GPATCH2: variants seen among roughly 807,000 people sequenced by gnomAD.
GPATCH2 encodes G-patch domain containing 2, also known as G patch domain-containing protein 2.
Under a neutral mutation model 58.0 loss-of-function variants are expected in GPATCH2, and 51 were observed. The ratio of observed to expected loss-of-function variants is 0.88; its 90% confidence interval spans 0.70 to 1.11. The LOEUF (loss-of-function observed/expected upper bound fraction) is 1.11. Ranked by LOEUF, GPATCH2 falls within the 50% of genes most tolerant of loss-of-function variation. The pLI is 0.00. For missense variants in GPATCH2, 625 were observed against 652.2 expected (o/e 0.96, Z 0.45); for synonymous variants, 222 against 218.5 (o/e 1.02, Z -0.14).
intron 2 of GPATCH2, among the ~76,000 whole-genome samples, chr1:217,616,277 G>A (rs766811557): frequency 5.3e-5 from 8 of 152,178 alleles, no homozygotes; most frequent in Admixed American, 1.3e-4. Flanking sequence ...TTATAGAACA[G>A]TCTTCTATTT....
intron 5 of GPATCH2, among the ~76,000 whole-genome samples, chr1:217,563,529 T>C (rs1032091024): frequency 1.8e-4 from 27 of 152,176 alleles, no homozygotes; most frequent in African/African-American, 6.5e-4. Flanking sequence ...AAGAATTTGA[T>C]TGACATTGAT....
rs905604752 is a variant in GPATCH2 at position 217,552,198 on chromosome 1, T to C, written c.1099-37309A>G. 2.0e-5 allele frequency among the ~76,000 whole-genome samples: 3 copies of C among 152,112 alleles called. No individual in the cohort carries two copies. In the South Asian group the frequency reaches 6.2e-4, roughly 31 times the overall value. On this transcript the variant is annotated intron_variant, in intron 5 of 9. Coordinates refer to ENST00000366935, the MANE Select transcript of GPATCH2 (RefSeq NM_018040.5). ...ATATGAATAAAACCTCTCTGATGTA[T>C]ATGAATAAAAACCTTGTAAAACCTC...
In GPATCH2 at chr1:217,607,567, T is replaced by C. The variant is rs78328039; in HGVS notation, c.1098+2754A>G. Reference sequence around the variant, plus strand: ...TCGATGTTAGTAAGTCAACAATATATATTAAATGTCTCTAAACACAAACAT... The same window carrying C: ...TCGATGTTAGTAAGTCAACAATATACATTAAATGTCTCTAAACACAAACAT... On this transcript the variant is annotated intron_variant, in intron 5 of 9. Transcript: ENST00000366935. 8.0e-3 allele frequency among the ~76,000 whole-genome samples: 1,224 copies of C among 152,278 alleles called. 9 individuals carry two copies. Among genetic ancestry groups the C allele is most frequent in the African/African-American group, 0.026 (1,094 of 41,560 alleles).
chr1:217,606,486 G>A (rs1366303337), intron 5 of GPATCH2, among the ~76,000 whole-genome samples: 4 of 152,010 alleles, frequency 2.6e-5, no homozygotes, highest in Non-Finnish European at 4.4e-5. Flanking sequence ...AGCCAGTTGC[G>A]GTGCTTCACG....
intron 7 of GPATCH2, chr1:217,492,446 A>G (rs1023769220): frequency 6.6e-6 from 1 of 152,200 alleles, no homozygotes; most frequent in African/African-American, 2.4e-5. Flanking sequence ...CTCAAACTCT[A>G]GCTTATCTTA....
intron 9 of GPATCH2, among the ~76,000 whole-genome samples, chr1:217,437,152 C>T (rs1658876040): frequency 6.6e-6 from 1 of 152,162 alleles, no homozygotes. Flanking sequence ...CTCCCCTAGG[C>T]AAGGGTAGCC....
At chr1:217,444,461 T>G (rs1659290554) in intron 9 of GPATCH2, among the ~76,000 whole-genome samples, 2 of 152,214 alleles carry the variant, frequency 1.3e-5, no homozygotes. Context: ...TTTTATTCAG[T>G]GTTTTCAGGT....
intron 5 of GPATCH2, among the ~76,000 whole-genome samples, chr1:217,571,703 C>CAAAAA (rs11463536): frequency 2.2e-4 from 16 of 73,798 alleles, no homozygotes; most frequent in East Asian, 1.0e-3. Context: ...AAAACGAAAC[C>CAAAAA]AAAAAAAAAA....
chr1:217,610,178 G>T, intron 5 of GPATCH2, 143 bp downstream of exon 5: 2 of 1,582,754 alleles, frequency 1.3e-6, no homozygotes, highest in East Asian at 2.3e-5. Flanking sequence ...GAATCTCACT[G>T]GTCCAGTTTG....
intron 1 of GPATCH2, among the ~76,000 whole-genome samples, chr1:217,623,130 T>G (rs1292179192): frequency 3.9e-5 from 6 of 152,182 alleles, no homozygotes; most frequent in Non-Finnish European, 8.8e-5. Context: ...AAAATACACT[T>G]TAACATGTAT....
At chr1:217,584,342 AAAATATATATAT>A (rs766759794) in intron 5 of GPATCH2, among the ~76,000 whole-genome samples, 2 of 82,566 alleles carry the variant, frequency 2.4e-5, no homozygotes, top group Admixed American at 1.7e-4. Flanking sequence ...AAAAAAAAAA[AAAATATATATAT>A]ATATATATAT....
chr1:217,470,216 A>G (rs1231135210), intron 8 of GPATCH2, among the ~76,000 whole-genome samples: 1 of 152,110 alleles, frequency 6.6e-6, no homozygotes, highest in Non-Finnish European at 1.5e-5. Context: ...TTAGACCACA[A>G]ATTCATTTCA....
At chr1:217,477,443 G>C (rs1171269512) in intron 8 of GPATCH2, among the ~76,000 whole-genome samples, 4 of 151,850 alleles carry the variant, frequency 2.6e-5, no homozygotes, top group African/African-American at 9.7e-5. Flanking sequence ...TCCAGAACTT[G>C]GTTCCTGTAT....
At chr1:217,499,341 CAAATACAGAAATGAGGGCTCA>C in intron 6 of GPATCH2, among the ~76,000 whole-genome samples, 1 of 152,078 alleles carries the variant, frequency 6.6e-6, no homozygotes, top group East Asian at 1.9e-4. Context: ...GCTCATGTTC[CAAATACAGAAATGAGGGCTCA>C]AAATGTTAGC....
At chr1:217,517,380 G>A (rs1663219352) in intron 5 of GPATCH2, among the ~76,000 whole-genome samples, 1 of 151,946 alleles carries the variant, frequency 6.6e-6, no homozygotes, top group African/African-American at 2.4e-5. Flanking sequence ...TGCCTCAGGA[G>A]TAAAATGTTC....
intron 8 of GPATCH2, among the ~76,000 whole-genome samples, chr1:217,462,797 G>A (rs1404369563): frequency 6.6e-6 from 1 of 152,120 alleles, no homozygotes; most frequent in African/African-American, 2.4e-5. Flanking sequence ...CTCATCTTGT[G>A]AGGCAGAAGA....
intron 5 of GPATCH2, among the ~76,000 whole-genome samples, chr1:217,530,525 T>A (rs1285574495): frequency 2.0e-5 from 3 of 152,080 alleles, no homozygotes; most frequent in African/African-American, 7.2e-5. Flanking sequence ...AATAAGGAGT[T>A]TTGTAGGGTT....
chr1:217,436,399 T>C (rs1160282131), intron 9 of GPATCH2, among the ~76,000 whole-genome samples: 2 of 152,186 alleles, frequency 1.3e-5, no homozygotes, highest in African/African-American at 2.4e-5. Flanking sequence ...AGAGTTGAAG[T>C]AACTTAACCT....
intron 5 of GPATCH2, among the ~76,000 whole-genome samples, chr1:217,532,891 T>G (rs1411268781): frequency 7.7e-5 from 5 of 64,694 alleles, no homozygotes; most frequent in East Asian, 1.0e-3. Flanking sequence ...TTTTTGTTTT[T>G]TTTTTTTTGT....
Sources: allele counts gnomAD v4.1 joint callset (sites outside exome capture counted in the v4.1 genomes callset), GRCh38; gene constraint gnomAD v4.1.1; transcripts MANE v1.5; gene names NCBI Gene and HGNC (gene_info 2026-07-23, HGNC 2026-07-21).